Variants in CACNA2D3 observed in about 807,000 individuals in gnomAD.
CACNA2D3 encodes calcium voltage-gated channel auxiliary subunit alpha2delta 3.
In CACNA2D3, 60 loss-of-function variants were observed where a neutral mutation model predicts 160.6. The observed-to-expected ratio is 0.37, with a 90% CI of 0.30 to 0.46. The LOEUF (loss-of-function observed/expected upper bound fraction) is 0.46, where lower values mean the gene tolerates loss of function less well. Among genes scored for constraint, CACNA2D3 ranks in the 20% least tolerant of loss-of-function variants. The pLI is 1.00. For synonymous variants in CACNA2D3, 558 were observed against 492.9 expected (o/e 1.13, Z -1.75); for missense variants, 1,205 against 1,365.0 (o/e 0.88, Z 1.85).
intron 35 of CACNA2D3, 27 bp downstream of exon 35, chr3:55,018,344 C>A: frequency 7.2e-7 from 1 of 1,383,138 alleles, no homozygotes. Flanking sequence ...CCCTCTAACC[C>A]CCTACACCTT....
chr3:54,709,572 G>T (rs1014381938), intron 11 of CACNA2D3, among the ~76,000 whole-genome samples: 1 of 151,926 alleles, frequency 6.6e-6, no homozygotes, highest in African/African-American at 2.4e-5. Context: ...ATGTTACCTA[G>T]ACTTGTCTCG....
At chr3:54,463,610 C>T (rs1007628011) in intron 4 of CACNA2D3, among the ~76,000 whole-genome samples, 19 of 152,310 alleles carry the variant, frequency 1.2e-4, no homozygotes, top group African/African-American at 4.1e-4. Flanking sequence ...CGAGCCTTGG[C>T]TTTCAGCTCC....
At chr3:54,124,771 C>G (rs1393278796) in intron 2 of CACNA2D3, among the ~76,000 whole-genome samples, 1 of 152,184 alleles carries the variant, frequency 6.6e-6, no homozygotes, top group African/African-American at 2.4e-5. Context: ...TCATTGAAAC[C>G]TTATTCATTG....
intron 2 of CACNA2D3, among the ~76,000 whole-genome samples, chr3:54,232,489 A>G (rs983417013): frequency 6.6e-6 from 1 of 152,188 alleles, no homozygotes; most frequent in Non-Finnish European, 1.5e-5. Context: ...TAACACAACT[A>G]TGAACTGAGT....
chr3:54,220,284 G>A (rs1701543713), intron 2 of CACNA2D3, among the ~76,000 whole-genome samples: 1 of 151,846 alleles, frequency 6.6e-6, no homozygotes, highest in South Asian at 2.1e-4. Flanking sequence ...TATCAGTTAG[G>A]TTTTCAGTAA....
At chr3:55,008,949 G>A (rs917633834) in intron 33 of CACNA2D3, among the ~76,000 whole-genome samples, 4 of 139,606 alleles carry the variant, frequency 2.9e-5, no homozygotes, top group African/African-American at 5.2e-5. Context: ...AGTTCAAGTC[G>A]CAGTATTCAT....
At chr3:54,221,606 A>G (rs1701573727) in intron 2 of CACNA2D3, among the ~76,000 whole-genome samples, 1 of 152,194 alleles carries the variant, frequency 6.6e-6, no homozygotes, top group Non-Finnish European at 1.5e-5. Flanking sequence ...AAGTTTTACT[A>G]GAGAGATTTT....
chr3:55,001,502 G>A (rs1050492707), intron 31 of CACNA2D3, among the ~76,000 whole-genome samples: 1 of 152,140 alleles, frequency 6.6e-6, no homozygotes, highest in Non-Finnish European at 1.5e-5. Context: ...ACCCTATAAG[G>A]TAGTCATTAT....
In CACNA2D3 at chr3:54,350,113, C is replaced by G. The variant is rs949512905; in HGVS notation, c.321+29555C>G. On this transcript the variant is annotated intron_variant, in intron 3 of 37. Transcript: ENST00000474759. The stretch of plus-strand genomic sequence containing the variant: ...CTCCCAGTGGGCAGTGTTTCCTTCC[C>G]CCTTCCAGTTGAAATTCTGTTCTTT... Among the ~76,000 whole-genome samples the G allele has an allele frequency of 3.9e-5, 6 of 152,148 alleles. No individual in the cohort carries two copies. In the East Asian group the frequency reaches 1.2e-3, roughly 29 times the overall value.
At chr3:54,784,735 C>T (rs1355110286) in intron 13 of CACNA2D3, among the ~76,000 whole-genome samples, 1 of 152,144 alleles carries the variant, frequency 6.6e-6, no homozygotes, top group Non-Finnish European at 1.5e-5. Flanking sequence ...AGTTTGCCTC[C>T]TGAGAGAAGA....
chr3:54,173,677 G>T (rs962003767), intron 2 of CACNA2D3, among the ~76,000 whole-genome samples: 4 of 152,220 alleles, frequency 2.6e-5, no homozygotes, highest in Non-Finnish European at 5.9e-5. Flanking sequence ...CAAAGCACAG[G>T]TACGTCTAAA....
chr3:54,741,724 G>A (rs1473109734), intron 11 of CACNA2D3, among the ~76,000 whole-genome samples: 1 of 152,036 alleles, frequency 6.6e-6, no homozygotes, highest in Non-Finnish European at 1.5e-5. Flanking sequence ...GACAATTTCT[G>A]TATTTGTACA....
At chr3:54,908,834 T>C (rs1190811875) in intron 27 of CACNA2D3, among the ~76,000 whole-genome samples, 1 of 152,226 alleles carries the variant, frequency 6.6e-6, no homozygotes, top group Non-Finnish European at 1.5e-5. Context: ...CTTGCTAAAA[T>C]GGCAGAGCTG....
chr3:54,892,548 A>T (rs999757469), intron 25 of CACNA2D3, among the ~76,000 whole-genome samples: 2 of 152,152 alleles, frequency 1.3e-5, no homozygotes, highest in Non-Finnish European at 2.9e-5. Context: ...CTTGATACTC[A>T]CATTTATCAT....
At chr3:54,735,792 G>C (rs1701484215) in intron 11 of CACNA2D3, among the ~76,000 whole-genome samples, 1 of 151,374 alleles carries the variant, frequency 6.6e-6, no homozygotes, top group South Asian at 2.1e-4. Flanking sequence ...AAATGGAATT[G>C]AGTGGAATTT....
chr3:54,780,965 G>A (rs1164133899), intron 13 of CACNA2D3, among the ~76,000 whole-genome samples: 1 of 152,146 alleles, frequency 6.6e-6, no homozygotes, highest in Non-Finnish European at 1.5e-5. Flanking sequence ...TAACAAAACT[G>A]TATTGAAAAA....
At chr3:54,410,893 C>T (rs1424245587) in intron 4 of CACNA2D3, among the ~76,000 whole-genome samples, 1 of 152,168 alleles carries the variant, frequency 6.6e-6, no homozygotes, top group Non-Finnish European at 1.5e-5. Context: ...GGAAAGGATT[C>T]ACCATTCTAG....
At chr3:54,372,336 CAG>C (rs1341087503) in intron 3 of CACNA2D3, among the ~76,000 whole-genome samples, 1 of 152,102 alleles carries the variant, frequency 6.6e-6, no homozygotes, top group East Asian at 1.9e-4. Context: ...GGGTGGGTGG[CAG>C]AGAGGGGAGC....
intron 18 of CACNA2D3, among the ~76,000 whole-genome samples, chr3:54,873,740 G>T (rs1160002968): frequency 2.0e-5 from 3 of 152,136 alleles, no homozygotes; most frequent in Non-Finnish European, 4.4e-5. Flanking sequence ...TACGTCTTTG[G>T]TTTGAGTCTC....
Sources: allele counts gnomAD v4.1 joint callset (sites outside exome capture counted in the v4.1 genomes callset), GRCh38; gene constraint gnomAD v4.1.1; transcripts MANE v1.5; gene names NCBI Gene and HGNC (gene_info 2026-07-23, HGNC 2026-07-21).